ITGB2: variants seen among roughly 807,000 people sequenced by gnomAD.
ITGB2 encodes the protein integrin beta-2.
Under a neutral mutation model 86.8 loss-of-function variants are expected in ITGB2, and 56 were observed. That is an observed-to-expected ratio of 0.65 (90% CI 0.52 to 0.81). The LOEUF (loss-of-function observed/expected upper bound fraction) is 0.81, where lower values mean the gene tolerates loss of function less well. Ranked by LOEUF, ITGB2 falls within the 30% of genes least tolerant of loss-of-function variation. The pLI is 0.00. For missense variants in ITGB2, 948 were observed against 1,061.2 expected, an observed-to-expected ratio of 0.89 and a Z score of 1.48; for synonymous variants, 457 against 450.4, an observed-to-expected ratio of 1.01 and a Z score of -0.19.
At chr21:44,920,535 C>G (rs1436158768) in intron 1 of ITGB2, among the ~76,000 whole-genome samples, 1 of 152,208 alleles carries the variant, frequency 6.6e-6, no homozygotes, top group East Asian at 1.9e-4. Context: ...TGGGCCCAGC[C>G]TCTTCCTGGC....
In ITGB2 at chr21:44,888,847, G is replaced by T. The variant is rs1396580119; in HGVS notation, c.1926C>A (p.Asn642Lys). ...LKFEKGPFGK[N>K]CSAACPGLQL... The stretch of plus-strand genomic sequence containing the variant: ...GCAGGCCCGGACACGCCGCGCTGCA[G>T]TTCTTCCCAAAGGGGCCCTTTTCGA... Residue 642 changes from asparagine to lysine, a missense_variant, in exon 14 of 16, where the codon AAC (asparagine) becomes AAA (lysine). Asn to Lys is a moderately conservative substitution (Grantham distance 94). Transcript: ENST00000652462. 1.2e-6 allele frequency: 2 copies of T among 1,609,764 alleles called. No individual in the cohort carries two copies. Among genetic ancestry groups the T allele is most frequent in the South Asian group, 1.1e-5 (1 of 91,092 alleles).
chr21:44,891,915 T>C lies in ITGB2; in HGVS notation c.1306A>G (p.Ile436Val), dbSNP rs142489611. 3.2e-5 allele frequency: 52 copies of C among 1,613,394 alleles called. No individual in the cohort carries two copies. In the Middle Eastern group the frequency reaches 4.9e-4, roughly 15 times the overall value. Reference sequence around the variant, plus strand: ...TGGGGAAGAACCTGCACGGTCACTATGTCCGTGAAGCCCAGCGCCCGGATG... The same window carrying C: ...TGGGGAAGAACCTGCACGGTCACTACGTCCGTGAAGCCCAGCGCCCGGATG... ...FVIRALGFTD[I>V]VTVQVLPQCE... The change falls in exon 11 of 16, where the codon ATA (isoleucine) becomes GTA (valine). Residue 436 changes from isoleucine to valine, a missense_variant. Coordinates refer to ENST00000652462, the MANE Select transcript of ITGB2 (RefSeq NM_000211.5).
At chr21:44,911,906 G>A (rs1234588779) in intron 1 of ITGB2, among the ~76,000 whole-genome samples, 1 of 152,140 alleles carries the variant, frequency 6.6e-6, no homozygotes, top group Non-Finnish European at 1.5e-5. Context: ...GGGGGTCTTA[G>A]GGCTTCCTAG....
intron 14 of ITGB2, 131 bp downstream of exon 14, chr21:44,888,562 G>T: frequency 9.6e-7 from 1 of 1,043,480 alleles, no homozygotes; most frequent in South Asian, 1.3e-5. Context: ...AGGGCATCCC[G>T]CATGGCTCAT....
Position 44,899,245 on chromosome 21 carries a change from G to A in ITGB2, c.898-83C>T, listed in dbSNP as rs371245520. The A allele has an allele frequency of 6.1e-5, 64 of 1,045,274 alleles. No individual in the cohort carries two copies. In the African/African-American group the frequency reaches 8.8e-4, roughly 14 times the overall value. The allele number at this position is 1,045,274 out of a possible 1,614,324, so 64.7% of individuals were successfully genotyped here. On this transcript the variant is annotated intron_variant, in intron 7 of 15. Transcript: ENST00000652462. ...CCCGCCCCTGTCTGCCCCGCTCAGCGTCAGCCCTGCCCGTGCTTCGAACCC... is the reference window on the plus strand; with the variant it reads ...CCCGCCCCTGTCTGCCCCGCTCAGCATCAGCCCTGCCCGTGCTTCGAACCC...
At chr21:44,912,600 T>C (rs943937992) in intron 1 of ITGB2, among the ~76,000 whole-genome samples, 25 of 152,324 alleles carry the variant, frequency 1.6e-4, no homozygotes, top group African/African-American at 5.1e-4. Flanking sequence ...TTGGTTCACA[T>C]TGGGCCCACC....
chr21:44,928,277 C>T (rs1278645047), intron 1 of ITGB2: 1 of 152,188 alleles, frequency 6.6e-6, no homozygotes, highest in South Asian at 2.1e-4. Context: ...GTCTTCCAGG[C>T]CCCCTGGGGG....
chr21:44,917,126 T>C (rs76462196), intron 1 of ITGB2, among the ~76,000 whole-genome samples: 2,584 of 152,244 alleles, frequency 0.017, 93 homozygotes, highest in African/African-American at 0.058. Context: ...CTAAGAAACA[T>C]ATGAGTCACC....
intron 2 of ITGB2, 163 bp from the exon 3 acceptor site, chr21:44,910,535 TC>T: frequency 6.8e-7 from 1 of 1,469,304 alleles, no homozygotes; most frequent in East Asian, 2.5e-5. Context: ...AGAGGGGCCC[TC>T]GGGAAACAGC....
At position 44,886,692 on chromosome 21, in the gene ITGB2, C is replaced by T. The variant is rs5030673; in HGVS notation, c.2247+44G>A. On this transcript the variant is annotated intron_variant, in intron 15 of 15. Coordinates refer to ENST00000652462, the MANE Select transcript of ITGB2 (RefSeq NM_000211.5). ...CAGCAGGAGGTCGCATAGTGTGGGA[C>T]GCACGTGCCCCTCTGCGTGGGACCC... 0.028 allele frequency: 44,352 copies of T among 1,611,630 alleles called. 728 individuals are homozygous for T. The highest frequency in any genetic ancestry group is 0.033 in the Non-Finnish European group (38,662 of 1,178,106).
In ITGB2 at chr21:44,901,616, T is replaced by A; in HGVS notation, c.617A>T (p.His206Leu). Residue 206 changes from histidine to leucine, a missense_variant, in exon 6 of 16, where the codon CAC (histidine) becomes CTC (leucine). Transcript: ENST00000652462. Reference protein sequence around the residue: ...KECQPPFAFRHVLKLTNNSNQ... With the variant: ...KECQPPFAFRLVLKLTNNSNQ... ...GGAGTTGTTGGTCAGCTTCAGCACG[T>A]GCCTGAAGGCAAACGGGGGCTGGCA... 6.2e-7 allele frequency: 1 copy of A among 1,614,250 alleles called. No individual in the cohort carries two copies. Among genetic ancestry groups the A allele is most frequent in the Non-Finnish European group, 8.5e-7 (1 of 1,180,036 alleles).
At chr21:44,894,276 A>G (rs2083831416) in intron 9 of ITGB2, 1 of 161,788 alleles carries the variant, frequency 6.2e-6, no homozygotes, top group African/African-American at 2.4e-5. Flanking sequence ...CGTTTGTCGG[A>G]GGCGCTAACG....
chr21:44,886,215 A>AGAT lies in ITGB2; in HGVS notation c.*152_*153insATC. Reference sequence around the variant, plus strand: ...GTCCCCCCGACGAGCCCCCAGAAGCACCCGGCCGGCCATGGCTGTCATTTT... The same window carrying AGAT: ...GTCCCCCCGACGAGCCCCCAGAAGCAGATCCCGGCCGGCCATGGCTGTCATTTT... On this transcript the variant is annotated 3_prime_UTR_variant, in exon 16 of 16. Transcript: ENST00000652462. The AGAT allele has an allele frequency of 8.1e-6, 6 of 744,656 alleles. No individual in the cohort carries two copies. Among genetic ancestry groups the AGAT allele is most frequent in the Admixed American group, 2.0e-5 (1 of 49,588 alleles). 46.1% of individuals were successfully genotyped at this position (744,656 alleles called of 1,614,324 possible).
In ITGB2 at chr21:44,899,091, G is replaced by A. The variant is rs1177063851; in HGVS notation, c.969C>T (p.Thr323=). Residue 323 remains threonine (T), a synonymous_variant, in exon 8 of 16, where the codon ACC becomes ACT. Coordinates refer to ENST00000652462, the MANE Select transcript of ITGB2 (RefSeq NM_000211.5). ...CCTCGTAGGTCTTCACCATCCTACT[G>A]GTCACCGCGAAGATGGGCTGGATGT... ...ENNIQPIFAV[T]SRMVKTYEKL... 2 of 1,614,044 alleles carry A rather than the reference G, an allele frequency of 1.2e-6. No homozygotes were observed. Among genetic ancestry groups the A allele is most frequent in the Non-Finnish European group, 1.7e-6 (2 of 1,179,904 alleles).
rs995239357 is a variant in ITGB2 at position 44,896,111 on chromosome 21, CGCCTGTGGTGTGAGTACTCCT to C, written c.994-1072_994-1052del. The stretch of plus-strand genomic sequence containing the variant: ...ATCCTGCCTGCGGTGTGACTGCTCC[CGCCTGTGGTGTGAGTACTCCT>C]GCCTGTGGTGTGAGTGATCCTGCCT... On this transcript the variant is annotated intron_variant, in intron 8 of 15. Transcript: ENST00000652462. Among the ~76,000 whole-genome samples, 9 of 151,918 alleles carry C rather than the reference CGCCTGTGGTGTGAGTACTCCT, an allele frequency of 5.9e-5. 1 individual carries two copies. In the East Asian group the frequency reaches 1.6e-3, roughly 26 times the overall value.
chr21:44,890,472 C>T (rs373641369), intron 11 of ITGB2, among the ~76,000 whole-genome samples: 3 of 152,340 alleles, frequency 2.0e-5, no homozygotes, highest in Non-Finnish European at 1.5e-5. Flanking sequence ...TGCAGTGGCT[C>T]GGCAGGCTCA....
chr21:44,904,860 T>TCACA (rs375768805), intron 4 of ITGB2, among the ~76,000 whole-genome samples: 117 of 150,506 alleles, frequency 7.8e-4, no homozygotes, highest in African/African-American at 2.8e-3. Flanking sequence ...ACACATGCGC[T>TCACA]CACACACACA....
In ITGB2 at chr21:44,901,762, G is replaced by A. The variant is rs5030669; in HGVS notation, c.500-29C>T. ...CAGGGCACATGGAGGGGCTGGGGAGGTGGCAGGCTGGGCCCAGGTGGGAGG... is the reference window on the plus strand; with the variant it reads ...CAGGGCACATGGAGGGGCTGGGGAGATGGCAGGCTGGGCCCAGGTGGGAGG... On this transcript the variant is annotated intron_variant, in intron 5 of 15. Coordinates refer to ENST00000652462, the MANE Select transcript of ITGB2 (RefSeq NM_000211.5). 259,778 of 1,592,068 alleles carry A rather than the reference G, an allele frequency of 0.16. 22,315 individuals carry two copies. Among genetic ancestry groups the A allele is most frequent in the Admixed American group, 0.25 (15,056 of 59,082 alleles).
chr21:44,896,044 CTCCCGCCTGCGGTGTGAGTGA>C (rs1489868335), intron 8 of ITGB2, among the ~76,000 whole-genome samples: 4 of 151,218 alleles, frequency 2.6e-5, no homozygotes, highest in Admixed American at 6.6e-5. Flanking sequence ...GGTGTGAGTG[CTCCCGCCTGCGGTGTGAGTGA>C]TCCCGCCTGC....
Sources: gnomAD v4.1 joint callset for allele counts (sites outside exome capture counted in the v4.1 genomes callset) on GRCh38, gnomAD v4.1.1 for gene constraint, MANE v1.5 for transcripts, NCBI Gene and HGNC (gene_info 2026-07-23, HGNC 2026-07-21) for gene names.